SRGAP1: variants seen among roughly 807,000 people sequenced by gnomAD.
The protein encoded by SRGAP1 is SLIT-ROBO Rho GTPase activating protein 1.
SRGAP1 carries 43 observed loss-of-function variants against 121.9 expected under a neutral mutation model. The ratio of observed to expected loss-of-function variants is 0.35; its 90% confidence interval spans 0.28 to 0.46. The LOEUF is 0.46. SRGAP1 is among the 20% of genes least tolerant of loss of function. SRGAP1 has a pLI of 1.00. For missense variants in SRGAP1, 1,102 were observed against 1,350.9 expected (o/e 0.82, Z 2.89); for synonymous variants, 447 against 485.4 (o/e 0.92, Z 1.04).
At position 64,155,016 on chromosome 12, in the gene SRGAP1, C is replaced by T. The variant is rs182142387; in HGVS notation, c.*12344C>T. 4 of 152,158 alleles carry T rather than the reference C, an allele frequency of 2.6e-5. No individual in the cohort carries two copies. The highest frequency in any genetic ancestry group is 2.1e-4 in the South Asian group (1 of 4,808). 9.4% of individuals were successfully genotyped at this position (152,158 alleles called of 1,614,324 possible). A position where few individuals can be genotyped will look rare whatever the true frequency, so the allele number is the denominator to read the frequency against. On this transcript the variant is annotated 3_prime_UTR_variant, in exon 22 of 22. Transcript: ENST00000355086. The stretch of plus-strand genomic sequence containing the variant: ...TAAATATGATAATAAAAATAGTTAA[C>T]ATTTGTTAAATATATATATTTTTTT...
intron 14 of SRGAP1, among the ~76,000 whole-genome samples, chr12:64,096,669 C>T (rs1056495588): frequency 6.6e-6 from 1 of 152,132 alleles, no homozygotes; most frequent in Non-Finnish European, 1.5e-5. Context: ...GGTACATTTT[C>T]AAGTTCCTCT....
At chr12:64,049,142 GATTTAAGT>G (rs1279985189) in intron 6 of SRGAP1, among the ~76,000 whole-genome samples, 1 of 152,154 alleles carries the variant, frequency 6.6e-6, no homozygotes, top group Non-Finnish European at 1.5e-5. Flanking sequence ...CAAAGTCTTA[GATTTAAGT>G]CTTGAATCCA....
intron 1 of SRGAP1, among the ~76,000 whole-genome samples, chr12:63,975,341 A>G (rs970443037): frequency 6.6e-6 from 1 of 152,182 alleles, no homozygotes; most frequent in African/African-American, 2.4e-5. Context: ...ACCCGTTCCT[A>G]TAGGAACTCC....
chr12:64,090,663 G>C (rs1186775908), intron 11 of SRGAP1, among the ~76,000 whole-genome samples: 1 of 152,030 alleles, frequency 6.6e-6, no homozygotes, highest in Non-Finnish European at 1.5e-5. Flanking sequence ...AACACAGGGG[G>C]ACTCCGTCTC....
At chr12:64,136,626 T>G (rs73321378) in intron 21 of SRGAP1, among the ~76,000 whole-genome samples, 14,315 of 152,250 alleles carry the variant, frequency 0.094, 1,520 homozygotes, top group African/African-American at 0.27. Context: ...AAAAGAATTT[T>G]GGATAGCAAA....
In SRGAP1 at chr12:63,891,983, C is replaced by CA. The variant is rs10716009; in HGVS notation, c.67+47116dup. 1.1e-3 allele frequency among the ~76,000 whole-genome samples: 107 copies of CA among 96,282 alleles called. 1 individual carries two copies. The highest frequency in any genetic ancestry group is 4.7e-3 in the Middle Eastern group (1 of 214). The allele number at this position is 96,282 out of a possible 152,430, so 63.2% of individuals were successfully genotyped here. On this transcript the variant is annotated intron_variant, in intron 1 of 21. Coordinates refer to ENST00000355086, the MANE Select transcript of SRGAP1 (RefSeq NM_020762.4). ...CCTGGGCCACAGAGCAAGACTGTCT[C>CA]AAAAAAAAAAAAAAAAGAAAAAAAG...
intron 1 of SRGAP1, among the ~76,000 whole-genome samples, chr12:63,882,975 G>GT (rs150409673): frequency 0.021 from 3,198 of 152,282 alleles, 50 homozygotes; most frequent in Non-Finnish European, 0.034. Flanking sequence ...TCTCTGAAGC[G>GT]TATGAGGAGA....
intron 1 of SRGAP1, among the ~76,000 whole-genome samples, chr12:63,904,767 A>G (rs1472246332): frequency 6.6e-6 from 1 of 152,062 alleles, no homozygotes; most frequent in Admixed American, 6.6e-5. Flanking sequence ...CCCCATCTCT[A>G]CAAATATGTT....
At chr12:63,972,554 T>C (rs1174442928) in intron 1 of SRGAP1, among the ~76,000 whole-genome samples, 1 of 152,244 alleles carries the variant, frequency 6.6e-6, no homozygotes, top group East Asian at 1.9e-4. Context: ...GATAACTTAG[T>C]ATACTTATTG....
Position 63,902,094 on chromosome 12 carries a change from C to T in SRGAP1, c.67+57211C>T, listed in dbSNP as rs948660800. ...CTTTGGGAGGCTGAGGTGGGCGGAT[C>T]GCTCGAGCTCAGGAGTTCGAAACCA... On this transcript the variant is annotated intron_variant, in intron 1 of 21. Transcript: ENST00000355086. 3.9e-5 allele frequency among the ~76,000 whole-genome samples: 6 copies of T among 152,206 alleles called. No individual in the cohort carries two copies. The South Asian group carries it at 6.2e-4, about 16-fold the overall frequency.
intron 1 of SRGAP1, among the ~76,000 whole-genome samples, chr12:63,907,550 T>A (rs926647632): frequency 6.6e-6 from 1 of 151,690 alleles, no homozygotes; most frequent in Non-Finnish European, 1.5e-5. Context: ...AAAAAAAAAA[T>A]TAAAGTAAAA....
At chr12:63,850,609 T>A (rs1899045755) in intron 1 of SRGAP1, among the ~76,000 whole-genome samples, 1 of 151,160 alleles carries the variant, frequency 6.6e-6, no homozygotes, top group South Asian at 2.1e-4. Flanking sequence ...TTTTTTTTTT[T>A]TTTTTGTAAA....
At chr12:64,032,441 T>C (rs2034801733) in intron 4 of SRGAP1, 2 of 708,048 alleles carry the variant, frequency 2.8e-6, no homozygotes, top group Non-Finnish European at 5.1e-6. Context: ...AGAGAGATCC[T>C]GAGTTTGCCC....
At chr12:63,997,491 AT>A (rs926649721) in intron 3 of SRGAP1, among the ~76,000 whole-genome samples, 2 of 152,118 alleles carry the variant, frequency 1.3e-5, no homozygotes, top group African/African-American at 4.8e-5. Flanking sequence ...TTGAAAACTT[AT>A]TTTTTAGCTA....
At chr12:64,055,640 T>A (rs1198217503) in intron 6 of SRGAP1, among the ~76,000 whole-genome samples, 6 of 152,082 alleles carry the variant, frequency 3.9e-5, no homozygotes, top group Non-Finnish European at 1.5e-5. Context: ...AGCATGGTAC[T>A]GGTACCAAAA....
At chr12:64,087,502 G>A (rs1187072162) in intron 11 of SRGAP1, among the ~76,000 whole-genome samples, 1 of 152,170 alleles carries the variant, frequency 6.6e-6, no homozygotes, top group Non-Finnish European at 1.5e-5. Context: ...GGGAGACTGA[G>A]GCGGGTGGAT....
chr12:64,006,319 C>T (rs1463226110), intron 3 of SRGAP1, among the ~76,000 whole-genome samples: 3 of 152,142 alleles, frequency 2.0e-5, no homozygotes, highest in African/African-American at 4.8e-5. Context: ...GGCCCCTTAA[C>T]AGCAATGAGT....
At chr12:63,855,268 A>G (rs1232785106) in intron 1 of SRGAP1, among the ~76,000 whole-genome samples, 2 of 152,116 alleles carry the variant, frequency 1.3e-5, no homozygotes, top group Non-Finnish European at 2.9e-5. Flanking sequence ...GCACATGTCC[A>G]CGGTTTTCAA....
chr12:63,997,019 C>G (rs955179962), intron 3 of SRGAP1, among the ~76,000 whole-genome samples: 1 of 152,086 alleles, frequency 6.6e-6, no homozygotes, highest in African/African-American at 2.4e-5. Flanking sequence ...CTTGGAGTTA[C>G]ATTGTTGCTT....
Sources: gnomAD v4.1 joint callset for allele counts (sites outside exome capture counted in the v4.1 genomes callset) on GRCh38, gnomAD v4.1.1 for gene constraint, MANE v1.5 for transcripts, NCBI Gene and HGNC (gene_info 2026-07-23, HGNC 2026-07-21) for gene names.